Variants in DYRK1A observed in about 807,000 individuals in gnomAD.
DYRK1A encodes the protein dual specificity tyrosine phosphorylation regulated kinase 1A, also known as dual specificity tyrosine-phosphorylation-regulated kinase 1A.
A neutral mutation model predicts 79.7 loss-of-function variants in DYRK1A; 9 were observed. The ratio of observed to expected loss-of-function variants is 0.11; its 90% CI spans 0.07 to 0.20. The LOEUF (loss-of-function observed/expected upper bound fraction) is 0.20, where lower values mean the gene tolerates loss of function less well. Among genes scored for constraint, DYRK1A ranks in the 10% least tolerant of loss-of-function variants. The pLI is 1.00. For missense variants in DYRK1A, 622 were observed against 956.0 expected (o/e 0.65, Z 4.61); for synonymous variants, 349 against 329.7 (o/e 1.06, Z -0.63).
intron 1 of DYRK1A, among the ~76,000 whole-genome samples, chr21:37,400,019 C>CA (rs2050025088): frequency 6.6e-6 from 1 of 152,064 alleles, no homozygotes; most frequent in African/African-American, 2.4e-5. Context: ...GCTAGAAGTC[C>CA]AAAATCAGAA....
Position 37,391,337 on chromosome 21 carries a change from T to C in DYRK1A, c.-77+23709T>C, listed in dbSNP as rs532006570. The stretch of plus-strand genomic sequence containing the variant: ...TGGCATCTTCAACTGTAGACACTTA[T>C]TCTGTGGCTTCCTTTAGTCTCCTAA... On this transcript the variant is annotated intron_variant, in intron 1 of 11. Transcript: ENST00000647188. Among the ~76,000 whole-genome samples the C allele has an allele frequency of 4.6e-5, 6 of 129,980 alleles. No individual in the cohort carries two copies. The South Asian group carries it at 6.4e-4, about 14-fold the overall frequency. 85.3% of individuals were successfully genotyped at this position (129,980 alleles called of 152,430 possible).
intron 2 of DYRK1A, among the ~76,000 whole-genome samples, chr21:37,433,209 C>G (rs2050828057): frequency 6.6e-6 from 1 of 152,080 alleles, no homozygotes; most frequent in Non-Finnish European, 1.5e-5. Flanking sequence ...CTAAGCTAAA[C>G]ATTTAAATTG....
intron 2 of DYRK1A, chr21:37,421,681 G>A (rs2050480753): frequency 6.6e-6 from 1 of 152,070 alleles, no homozygotes; most frequent in Non-Finnish European, 1.5e-5. Context: ...CACCATCATA[G>A]AAAAACAAAT....
intron 2 of DYRK1A, among the ~76,000 whole-genome samples, chr21:37,451,735 A>G (rs1280293504): frequency 6.6e-6 from 1 of 152,076 alleles, no homozygotes; most frequent in Admixed American, 6.5e-5. Flanking sequence ...CACAACCATG[A>G]AATCGCCTGA....
chr21:37,490,680 T>A (rs1203499050), intron 7 of DYRK1A, among the ~76,000 whole-genome samples: 1 of 151,666 alleles, frequency 6.6e-6, no homozygotes, highest in Non-Finnish European at 1.5e-5. Context: ...GGATGCTTAT[T>A]TATCTTTAAA....
At chr21:37,420,668 A>C (rs1195534447) in intron 2 of DYRK1A, among the ~76,000 whole-genome samples, 1 of 152,130 alleles carries the variant, frequency 6.6e-6, no homozygotes, top group Middle Eastern at 3.2e-3. Context: ...CTGTTAATGT[A>C]AATAACACAG....
chr21:37,442,705 C>T (rs992821885), intron 2 of DYRK1A, among the ~76,000 whole-genome samples: 10 of 152,124 alleles, frequency 6.6e-5, no homozygotes, highest in African/African-American at 2.4e-4. Flanking sequence ...TCCCAAAGTG[C>T]TGGGATTATA....
chr21:37,473,796 T>G (rs2052307553), intron 3 of DYRK1A, among the ~76,000 whole-genome samples: 2 of 143,348 alleles, frequency 1.4e-5, no homozygotes, highest in South Asian at 4.5e-4. Flanking sequence ...ACATTCACAG[T>G]TAAATCGTTA....
intron 2 of DYRK1A, among the ~76,000 whole-genome samples, chr21:37,451,366 CTCCCTCCA>C (rs2051443615): frequency 3.8e-5 from 2 of 52,566 alleles, no homozygotes; most frequent in Non-Finnish European, 5.2e-5. Context: ...CCATCCCTCC[CTCCCTCCA>C]TCCCTCCCCC....
chr21:37,445,318 T>TTAG (rs1426954259), intron 2 of DYRK1A, among the ~76,000 whole-genome samples: 1 of 152,140 alleles, frequency 6.6e-6, no homozygotes, highest in Non-Finnish European at 1.5e-5. Context: ...TTGTGATCAG[T>TTAG]TAGTAACTAA....
At chr21:37,483,433 C>T (rs1193997459) in intron 5 of DYRK1A, among the ~76,000 whole-genome samples, 2 of 152,234 alleles carry the variant, frequency 1.3e-5, no homozygotes, top group Non-Finnish European at 2.9e-5. Flanking sequence ...CTACCAGTCC[C>T]TGATGTCACG....
At position 37,403,663 on chromosome 21, in the gene DYRK1A, ATGTGTGTGTGTGTGTGTGTG is replaced by A. The variant is rs761056038; in HGVS notation, c.-76-16618_-76-16599del. Among the ~76,000 whole-genome samples, 100 of 121,546 alleles carry A rather than the reference ATGTGTGTGTGTGTGTGTGTG, an allele frequency of 8.2e-4. 2 individuals carry two copies. Among genetic ancestry groups the A allele is most frequent in the African/African-American group, 2.9e-3 (94 of 31,908 alleles). The allele number at this position is 121,546 out of a possible 152,430, so 79.7% of individuals were successfully genotyped here. ...AAAAAAAAAAAATATATATATATATATGTGTGTGTGTGTGTGTGTGTGTGTGTGTGTGTGTGTTCACCAGG... is the reference window on the plus strand; with the variant it reads ...AAAAAAAAAAAATATATATATATATATGTGTGTGTGTGTGTGTTCACCAGG... On this transcript the variant is annotated intron_variant, in intron 1 of 11. Coordinates refer to ENST00000647188, the MANE Select transcript of DYRK1A (RefSeq NM_001347721.2).
intron 1 of DYRK1A, among the ~76,000 whole-genome samples, chr21:37,377,707 A>G (rs1425127822): frequency 6.6e-6 from 1 of 152,108 alleles, no homozygotes; most frequent in East Asian, 1.9e-4. Flanking sequence ...GGCCTCAGTG[A>G]TCCTCCTGTC....
At chr21:37,378,777 A>T (rs571631359) in intron 1 of DYRK1A, among the ~76,000 whole-genome samples, 1 of 152,330 alleles carries the variant, frequency 6.6e-6, no homozygotes, top group African/African-American at 2.4e-5. Context: ...TCAATACAGG[A>T]AAACTTGAAC....
chr21:37,411,253 G>A (rs1267991897), intron 1 of DYRK1A, among the ~76,000 whole-genome samples: 4 of 151,562 alleles, frequency 2.6e-5, no homozygotes, highest in Non-Finnish European at 5.9e-5. Flanking sequence ...CTACTCAGGC[G>A]GCTGAGGCAG....
At chr21:37,431,718 C>T (rs529421893) in intron 2 of DYRK1A, among the ~76,000 whole-genome samples, 1 of 152,216 alleles carries the variant, frequency 6.6e-6, no homozygotes, top group East Asian at 1.9e-4. Context: ...AGCTATACCC[C>T]CTAAACTTAA....
chr21:37,490,973 C>G (rs971832735), intron 7 of DYRK1A, among the ~76,000 whole-genome samples: 1 of 151,990 alleles, frequency 6.6e-6, no homozygotes, highest in Non-Finnish European at 1.5e-5. Flanking sequence ...GAAGATGGAT[C>G]AAGATAAATC....
rs1437998224 is a variant in DYRK1A, at chr21:37,367,182, G to C, written c.-523G>C. 6.6e-6 allele frequency: 1 copy of C among 151,710 alleles called. No homozygotes were observed. The allele number at this position is 151,710 out of a possible 1,614,324, so 9.4% of individuals were successfully genotyped here. On this transcript the variant is annotated 5_prime_UTR_variant, in exon 1 of 12. Transcript: ENST00000647188. ...GCGGGGACTCGGGGGCGGGCGGTTCGGGCTCTCCTGGCGGAGGAGCCGCCG... is the reference window on the plus strand; with the variant it reads ...GCGGGGACTCGGGGGCGGGCGGTTCCGGCTCTCCTGGCGGAGGAGCCGCCG...
chr21:37,411,966 T>C (rs1040721841), intron 1 of DYRK1A, among the ~76,000 whole-genome samples: 9 of 152,208 alleles, frequency 5.9e-5, no homozygotes, highest in Non-Finnish European at 1.2e-4. Context: ...CCAATCTGTT[T>C]ATTGAACATG....
Sources: gnomAD v4.1 joint callset for allele counts (sites outside exome capture counted in the v4.1 genomes callset) on GRCh38, gnomAD v4.1.1 for gene constraint, MANE v1.5 for transcripts, NCBI Gene and HGNC (gene_info 2026-07-23, HGNC 2026-07-21) for gene names.